Variants in SEMA4B observed in about 807,000 individuals in gnomAD.
The protein encoded by SEMA4B is semaphorin 4B.
In SEMA4B, 55 loss-of-function variants were observed where a neutral mutation model predicts 88.1. The observed-to-expected ratio is 0.62, with a 90% confidence interval of 0.50 to 0.78. SEMA4B has a LOEUF of 0.78. Ranked by LOEUF, SEMA4B falls within the 30% of genes least tolerant of loss-of-function variation. SEMA4B has a pLI of 0.00. For missense variants in SEMA4B, 1,062 were observed against 1,111.9 expected (o/e 0.96, Z 0.64); for synonymous variants, 525 against 473.6 (o/e 1.11, Z -1.41).
At chr15:90,194,867 T>C (rs1960453683) in intron 1 of SEMA4B, among the ~76,000 whole-genome samples, 1 of 152,342 alleles carries the variant, frequency 6.6e-6, no homozygotes, top group East Asian at 1.9e-4. Flanking sequence ...TGCTGAATCA[T>C]TTGAAAGTAA....
chr15:90,188,950 T>C (rs1457169802), intron 1 of SEMA4B, among the ~76,000 whole-genome samples: 1 of 152,160 alleles, frequency 6.6e-6, no homozygotes, highest in African/African-American at 2.4e-5. Context: ...ATTATAGGCA[T>C]GAGCCACCGC....
In SEMA4B at chr15:90,228,334, C is replaced by G. The variant is rs916306656; in HGVS notation, c.2205C>G (p.Phe735Leu). ...FVLAVLLPVL[F>L]LLYRHRNSMK... is the part of the protein sequence containing the mutation. ...TGGCCGTGCTGCTCCCAGTTTTATT[C>G]TTGCTCTACCGGCACCGGAACAGCA... The change falls in exon 14 of 14, where the codon TTC becomes TTG. Residue 735 changes from phenylalanine to leucine, a missense_variant. Physicochemically the swap from Phe to Leu is conservative, Grantham distance 22. Coordinates refer to ENST00000411539, the MANE Select transcript of SEMA4B (RefSeq NM_198925.4). 2 of 1,600,414 alleles carry G rather than the reference C, an allele frequency of 1.2e-6. No individual in the cohort carries two copies. Among genetic ancestry groups the G allele is most frequent in the African/African-American group, 2.7e-5 (2 of 74,726 alleles).
At chr15:90,218,005 G>C in intron 3 of SEMA4B, 176 bp downstream of exon 3, 1 of 579,356 alleles carries the variant, frequency 1.7e-6, no homozygotes, top group Non-Finnish European at 3.1e-6. Context: ...ACATCGCTAC[G>C]ACCTTCGACA....
Position 90,219,824 on chromosome 15 carries a change from T to C in SEMA4B, c.416T>C (p.Leu139Pro). The change falls in exon 4 of 14, where the codon CTG (leucine) becomes CCG (proline). Residue 139 changes from leucine to proline, a missense_variant. Coordinates refer to ENST00000411539, the MANE Select transcript of SEMA4B (RefSeq NM_198925.4). ...TGTCAAAACTACATCAAGATCCTCC[T>C]GCCGCTCAGCGGCAGTCACCTGTTC... ...RDCQNYIKIL[L>P]PLSGSHLFTC... is the part of the protein sequence containing the mutation. 1 of 1,613,646 alleles carries C rather than the reference T, an allele frequency of 6.2e-7. No homozygotes were observed. The highest frequency in any genetic ancestry group is 1.1e-5 in the South Asian group (1 of 91,078).
intron 1 of SEMA4B, among the ~76,000 whole-genome samples, chr15:90,205,515 T>A (rs1166474854): frequency 6.6e-6 from 1 of 152,256 alleles, no homozygotes; most frequent in Non-Finnish European, 1.5e-5. Flanking sequence ...GGCAAGCTCC[T>A]GGCCTTCTCC....
exon 1 of SEMA4B, chr15:90,185,053 GA>G: frequency 1.0e-6 from 1 of 985,456 alleles, no homozygotes; most frequent in Non-Finnish European, 1.2e-6. Context: ...GGGGGGCGAT[GA>G]CCGTGCGCTG....
intron 1 of SEMA4B, among the ~76,000 whole-genome samples, chr15:90,189,532 G>T (rs138181770): frequency 1.3e-5 from 2 of 152,268 alleles, no homozygotes; most frequent in Non-Finnish European, 2.9e-5. Flanking sequence ...ACTTATAGTA[G>T]GTGCTCAATA....
chr15:90,225,547 T>TGTTAC, intron 11 of SEMA4B, 114 bp from the exon 12 acceptor site: 2 of 1,336,450 alleles, frequency 1.5e-6, no homozygotes, highest in South Asian at 2.6e-5. Context: ...TGGGGTCGCC[T>TGTTAC]GTTACGTAAC....
intron 1 of SEMA4B, among the ~76,000 whole-genome samples, chr15:90,203,818 T>C (rs774018693): frequency 3.5e-4 from 54 of 152,336 alleles, no homozygotes; most frequent in Non-Finnish European, 6.5e-4. Context: ...GCTATGTTCT[T>C]GGGGCTAGGT....
chr15:90,217,690 A>T, intron 2 of SEMA4B, 77 bp from the exon 3 acceptor site: 1 of 1,603,384 alleles, frequency 6.2e-7, no homozygotes, highest in South Asian at 1.1e-5. Context: ...GGGTCCAAGG[A>T]TGATGCCTAT....
chr15:90,190,356 AAC>A (rs1960307495), intron 1 of SEMA4B: 1 of 152,276 alleles, frequency 6.6e-6, no homozygotes, highest in Admixed American at 6.5e-5. Context: ...GATCCGTGGC[AAC>A]CCGTCTGTGC....
rs1354204840 is a variant in SEMA4B at position 90,192,715 on chromosome 15, C to T, written c.-122+7634C>T. On this transcript the variant is annotated intron_variant, in intron 1 of 14. Coordinates refer to the SEMA4B transcript ENST00000332496. ...AAGCAATTCTCCTGCCTCAGCCTCC[C>T]GAGTAGCAGGGATTACAGCCTCACG... is the stretch of plus-strand genomic sequence containing the variant. Among the ~76,000 whole-genome samples, 4 of 151,632 alleles carry T rather than the reference C, an allele frequency of 2.6e-5. No homozygotes were observed. In the East Asian group the frequency reaches 5.8e-4, roughly 22 times the overall value.
At chr15:90,211,132 A>C (rs1961245829) in intron 1 of SEMA4B, among the ~76,000 whole-genome samples, 2 of 152,128 alleles carry the variant, frequency 1.3e-5, no homozygotes, top group Non-Finnish European at 1.5e-5. Flanking sequence ...GGGTTGTTAG[A>C]GGGGAGCCAG....
intron 1 of SEMA4B, chr15:90,207,018 G>A (rs1383813788): frequency 1.4e-5 from 6 of 430,616 alleles, no homozygotes; most frequent in Non-Finnish European, 2.6e-5. Context: ...GGTGCCCACA[G>A]CGGCTCTATA....
chr15:90,196,130 G>A (rs867123782), intron 1 of SEMA4B, among the ~76,000 whole-genome samples: 70 of 144,758 alleles, frequency 4.8e-4, no homozygotes, highest in Middle Eastern at 3.8e-3. Flanking sequence ...GGGTTTCACC[G>A]TGTTAGCCAG....
At chr15:90,201,773 G>A in intron 1 of SEMA4B, 38 bp downstream of exon 1, 2 of 1,381,304 alleles carry the variant, frequency 1.4e-6, no homozygotes, top group Non-Finnish European at 1.9e-6. Flanking sequence ...GCCGGGGGAA[G>A]GAAGGCTGCC....
intron 7 of SEMA4B, 73 bp from the exon 8 acceptor site, chr15:90,223,486 G>A: frequency 4.3e-6 from 6 of 1,383,474 alleles, no homozygotes. Flanking sequence ...GTCCATTGAG[G>A]CAGTCCTGTG....
At position 90,229,518 on chromosome 15, in the gene SEMA4B, C is replaced by T; in HGVS notation, c.*875C>T. 1 of 410,212 alleles carries T rather than the reference C, an allele frequency of 2.4e-6. No individual in the cohort carries two copies. The highest frequency in any genetic ancestry group is 2.6e-5 in the Admixed American group (1 of 38,924). The allele number at this position is 410,212 out of a possible 1,614,324, so 25.4% of individuals were successfully genotyped here. On this transcript the variant is annotated 3_prime_UTR_variant, in exon 14 of 14. Transcript: ENST00000411539. ...GTCCTCTCCCCAGTCCCCAGTTCAC[C>T]CTCCATCCCTCACCTTCCTCCACTC...
rs139797032 is a variant in SEMA4B, at chr15:90,216,114, G to C, written c.158-1325G>C. Reference sequence around the variant, plus strand: ...AGCGATTCTCCTGCCTCAGCCTCCCGAGTAGCTGGGATTACAGGCATGTGC... The same window carrying C: ...AGCGATTCTCCTGCCTCAGCCTCCCCAGTAGCTGGGATTACAGGCATGTGC... On this transcript the variant is annotated intron_variant, in intron 1 of 13. Transcript: ENST00000411539. 2.8e-3 allele frequency among the ~76,000 whole-genome samples: 430 copies of C among 151,632 alleles called. 2 individuals are homozygous for C. The highest frequency in any genetic ancestry group is 9.8e-3 in the African/African-American group (404 of 41,380).
Sources: allele counts gnomAD v4.1 joint callset (sites outside exome capture counted in the v4.1 genomes callset), GRCh38; gene constraint gnomAD v4.1.1; transcripts MANE v1.5; gene names NCBI Gene and HGNC (gene_info 2026-07-23, HGNC 2026-07-21).